ATP8A2: variants seen among roughly 807,000 people sequenced by gnomAD.
The protein encoded by ATP8A2 is phospholipid-transporting ATPase IB.
Under a neutral mutation model 165.6 loss-of-function variants are expected in ATP8A2, and 100 were observed. That is an observed-to-expected ratio of 0.60 (90% CI 0.51 to 0.71). The LOEUF (loss-of-function observed/expected upper bound fraction) is 0.71, where lower values mean the gene tolerates loss of function less well. ATP8A2 is among the 30% of genes least tolerant of loss of function. The probability of loss-of-function intolerance (pLI) is 0.00; values close to 1 mark genes in which losing one functional copy is unlikely to be tolerated. For missense variants in ATP8A2, 1,227 were observed against 1,479.5 expected (o/e 0.83, Z 2.80); for synonymous variants, 543 against 548.8 (o/e 0.99, Z 0.15).
chr13:25,447,714 G>T (rs59289848), intron 1 of ATP8A2, among the ~76,000 whole-genome samples: 5,906 of 152,292 alleles, frequency 0.039, 156 homozygotes, highest in East Asian at 0.095. Flanking sequence ...CTTGTACTCT[G>T]CCATTTCAGT....
chr13:25,831,372 G>A (rs561995594), intron 28 of ATP8A2, among the ~76,000 whole-genome samples: 26 of 151,704 alleles, frequency 1.7e-4, no homozygotes, highest in South Asian at 4.2e-4. Flanking sequence ...CCGCCACCGC[G>A]CCCGGCTAAT....
At chr13:25,528,485 T>C (rs2037911445) in intron 2 of ATP8A2, among the ~76,000 whole-genome samples, 3 of 152,204 alleles carry the variant, frequency 2.0e-5, no homozygotes. Context: ...TCAAATGACC[T>C]CTGGCTGCTA....
At chr13:25,405,230 A>G (rs1274837606) in intron 1 of ATP8A2, among the ~76,000 whole-genome samples, 2 of 152,168 alleles carry the variant, frequency 1.3e-5, no homozygotes, top group African/African-American at 2.4e-5. Flanking sequence ...CGCAGATGCG[A>G]AAGTGTAGAC....
At chr13:25,387,758 A>G (rs984001346) in intron 1 of ATP8A2, among the ~76,000 whole-genome samples, 1 of 152,156 alleles carries the variant, frequency 6.6e-6, no homozygotes, top group Non-Finnish European at 1.5e-5. Context: ...ATGTTTCTAT[A>G]TACTGATTAA....
intron 25 of ATP8A2, among the ~76,000 whole-genome samples, chr13:25,704,084 G>A (rs944995931): frequency 5.9e-5 from 9 of 152,154 alleles, no homozygotes; most frequent in Non-Finnish European, 1.2e-4. Flanking sequence ...AATCCTTTGA[G>A]CAGAAGTTTT....
At chr13:25,779,812 A>G (rs2044831209) in intron 27 of ATP8A2, among the ~76,000 whole-genome samples, 2 of 152,212 alleles carry the variant, frequency 1.3e-5, no homozygotes, top group Admixed American at 1.3e-4. Context: ...TTTGCCTTAA[A>G]TGTAAAGATT....
At chr13:25,403,235 A>G (rs9319221) in intron 1 of ATP8A2, among the ~76,000 whole-genome samples, 4,719 of 152,260 alleles carry the variant, frequency 0.031, 233 homozygotes, top group African/African-American at 0.11. Context: ...AGCCCTCACC[A>G]GACACTGAAT....
intron 1 of ATP8A2, among the ~76,000 whole-genome samples, chr13:25,457,427 T>A (rs553368091): frequency 3.9e-5 from 6 of 152,218 alleles, no homozygotes; most frequent in Non-Finnish European, 5.9e-5. Flanking sequence ...ATCATATTAA[T>A]GATTCTTATA....
At chr13:25,893,162 T>G (rs1409328913) in intron 33 of ATP8A2, among the ~76,000 whole-genome samples, 3 of 150,992 alleles carry the variant, frequency 2.0e-5, no homozygotes, top group African/African-American at 7.3e-5. Context: ...AACTCGTCAT[T>G]TAGCATTAGG....
intron 21 of ATP8A2, 69 bp from the exon 22 acceptor site, chr13:25,579,739 G>A: frequency 6.4e-7 from 1 of 1,571,566 alleles, no homozygotes; most frequent in Middle Eastern, 1.8e-4. Flanking sequence ...GATGGAAAAG[G>A]GAGCACAGGC....
At chr13:25,406,242 G>C (rs1285486959) in intron 1 of ATP8A2, among the ~76,000 whole-genome samples, 1 of 152,212 alleles carries the variant, frequency 6.6e-6, no homozygotes, top group African/African-American at 2.4e-5. Flanking sequence ...CAGAGAGATG[G>C]TGGCATCCCG....
chr13:25,692,414 C>T (rs937188997), intron 24 of ATP8A2, among the ~76,000 whole-genome samples: 2 of 152,108 alleles, frequency 1.3e-5, no homozygotes, highest in East Asian at 1.9e-4. Flanking sequence ...GTGGCCCTGC[C>T]GAGCTGACGG....
At chr13:25,655,498 G>C (rs2041908632) in intron 24 of ATP8A2, among the ~76,000 whole-genome samples, 1 of 152,140 alleles carries the variant, frequency 6.6e-6, no homozygotes, top group Non-Finnish European at 1.5e-5. Flanking sequence ...CATTATTATT[G>C]TTGCAGTTGA....
At chr13:25,616,859 T>C (rs1378638317) in intron 24 of ATP8A2, among the ~76,000 whole-genome samples, 4 of 152,184 alleles carry the variant, frequency 2.6e-5, no homozygotes, top group Admixed American at 2.0e-4. Context: ...GACTGGTGCA[T>C]GTGGCTCCCA....
chr13:25,403,202 G>A (rs1214445845), intron 1 of ATP8A2, among the ~76,000 whole-genome samples: 1 of 152,152 alleles, frequency 6.6e-6, no homozygotes, highest in Non-Finnish European at 1.5e-5. Flanking sequence ...GGCAAACAAG[G>A]CACCATCTTG....
intron 1 of ATP8A2, among the ~76,000 whole-genome samples, chr13:25,466,076 T>G (rs1355616645): frequency 6.6e-6 from 1 of 152,162 alleles, no homozygotes; most frequent in African/African-American, 2.4e-5. Flanking sequence ...CTTCCCCCTT[T>G]GCCATCACTG....
intron 33 of ATP8A2, among the ~76,000 whole-genome samples, chr13:25,920,297 G>A (rs529858197): frequency 5.3e-5 from 8 of 152,136 alleles, no homozygotes; most frequent in South Asian, 4.2e-4. Flanking sequence ...ATACCTGCAC[G>A]TGTATGACCT....
intron 27 of ATP8A2, among the ~76,000 whole-genome samples, chr13:25,786,706 T>C (rs947918674): frequency 6.6e-6 from 1 of 152,060 alleles, no homozygotes; most frequent in South Asian, 2.1e-4. Flanking sequence ...AAAAATAAGG[T>C]ATAATTTACA....
intron 2 of ATP8A2, among the ~76,000 whole-genome samples, chr13:25,500,971 T>C (rs986321431): frequency 2.6e-5 from 4 of 152,238 alleles, no homozygotes; most frequent in Non-Finnish European, 5.9e-5. Context: ...GTACGCCTTA[T>C]GTATTTTTTC....
Sources: allele counts gnomAD v4.1 joint callset (sites outside exome capture counted in the v4.1 genomes callset), GRCh38; gene constraint gnomAD v4.1.1; transcripts MANE v1.5; gene names NCBI Gene and HGNC (gene_info 2026-07-23, HGNC 2026-07-21).